The following CCDC25 variants were observed in gnomAD, a reference collection of about 807,000 sequenced individuals.
CCDC25 encodes the protein coiled-coil domain-containing protein 25.
CCDC25 carries 16 observed loss-of-function variants against 35.3 expected under a neutral mutation model. The ratio of observed to expected loss-of-function variants is 0.45; its 90% CI spans 0.31 to 0.69. The LOEUF is 0.69. CCDC25 is among the 30% of genes least tolerant of loss of function. The pLI, the probability that CCDC25 is intolerant of heterozygous loss-of-function variation, is 0.06. For synonymous variants in CCDC25, 79 were observed against 80.3 expected (o/e 0.98, Z 0.09); for missense variants, 179 against 250.7 (o/e 0.71, Z 1.93).
At chr8:27,760,599 T>C (rs1585368873) in intron 3 of CCDC25, among the ~76,000 whole-genome samples, 1 of 152,200 alleles carries the variant, frequency 6.6e-6, no homozygotes, top group Non-Finnish European at 1.5e-5. Context: ...CCAGGACCTA[T>C]GCTAGGTACT....
chr8:27,768,730 C>T (rs1013952913), intron 1 of CCDC25, among the ~76,000 whole-genome samples: 3 of 152,124 alleles, frequency 2.0e-5, no homozygotes, highest in Non-Finnish European at 4.4e-5. Flanking sequence ...AGTACTGGAA[C>T]CGGTTATTTG....
At chr8:27,740,451 A>G in intron 8 of CCDC25, 21 bp downstream of exon 8, 1 of 1,606,406 alleles carries the variant, frequency 6.2e-7, no homozygotes, top group African/African-American at 1.3e-5. Flanking sequence ...GCAAACATTC[A>G]TGCAAACCAC....
chr8:27,771,156 C>T (rs1255697202), intron 1 of CCDC25, among the ~76,000 whole-genome samples: 1 of 152,110 alleles, frequency 6.6e-6, no homozygotes, highest in Non-Finnish European at 1.5e-5. Context: ...CGTTGAGACC[C>T]GTTTAAATAC....
intron 1 of CCDC25, among the ~76,000 whole-genome samples, chr8:27,769,362 G>GTGTA (rs1804508765): frequency 6.6e-6 from 1 of 152,186 alleles, no homozygotes; most frequent in Non-Finnish European, 1.5e-5. Flanking sequence ...AAGGGCAGAT[G>GTGTA]TGTATGTGTG....
intron 4 of CCDC25, among the ~76,000 whole-genome samples, chr8:27,753,873 C>G (rs1803902945): frequency 6.6e-6 from 1 of 152,170 alleles, no homozygotes; most frequent in Admixed American, 6.5e-5. Flanking sequence ...TGAGATGGGG[C>G]ACACTGTTTA....
At chr8:27,771,107 G>A (rs145088298) in intron 1 of CCDC25, among the ~76,000 whole-genome samples, 3 of 152,252 alleles carry the variant, frequency 2.0e-5, no homozygotes, top group Non-Finnish European at 4.4e-5. Flanking sequence ...TGATGACCTG[G>A]TAGCCATCAT....
chr8:27,759,278 G>A (rs963863921), intron 3 of CCDC25, among the ~76,000 whole-genome samples: 3 of 152,184 alleles, frequency 2.0e-5, no homozygotes, highest in African/African-American at 7.2e-5. Flanking sequence ...TCTGGACACA[G>A]TAAATACACA....
intron 1 of CCDC25, 87 bp downstream of exon 1, chr8:27,772,426 C>A: frequency 7.3e-7 from 1 of 1,361,492 alleles, no homozygotes; most frequent in Non-Finnish European, 1.0e-6. Flanking sequence ...CATTTTAGAG[C>A]GAGGGTCAGG....
intron 5 of CCDC25, among the ~76,000 whole-genome samples, chr8:27,751,359 T>A (rs1197678199): frequency 6.6e-6 from 1 of 152,244 alleles, no homozygotes; most frequent in Non-Finnish European, 1.5e-5. Context: ...TACAATGGAA[T>A]GTCCCAAAAT....
intron 1 of CCDC25, among the ~76,000 whole-genome samples, chr8:27,772,235 G>C (rs1409739953): frequency 6.6e-6 from 1 of 152,266 alleles, no homozygotes. Context: ...CCCAGGGAGT[G>C]ACGGGACGTC....
At chr8:27,766,038 T>C (rs1242123712) in intron 1 of CCDC25, among the ~76,000 whole-genome samples, 1 of 152,258 alleles carries the variant, frequency 6.6e-6, no homozygotes, top group Non-Finnish European at 1.5e-5. Context: ...TGGTGTTTTA[T>C]TGCAGACGTC....
chr8:27,751,754 C>T (rs1347869963), intron 5 of CCDC25, among the ~76,000 whole-genome samples: 1 of 152,168 alleles, frequency 6.6e-6, no homozygotes, highest in African/African-American at 2.4e-5. Flanking sequence ...AAACCCCGCC[C>T]CTACCCTAAT....
At chr8:27,752,958 G>T in intron 4 of CCDC25, 2 of 168,276 alleles carry the variant, frequency 1.2e-5, no homozygotes, top group South Asian at 1.6e-4. Context: ...TTTGACAACT[G>T]GATGTCTTCG....
intron 5 of CCDC25, among the ~76,000 whole-genome samples, chr8:27,749,594 C>T (rs1803724099): frequency 6.6e-6 from 1 of 151,968 alleles, no homozygotes. Flanking sequence ...AAAGACAAAG[C>T]AGTATCTCTG....
At chr8:27,766,437 T>G (rs1804402214) in intron 1 of CCDC25, among the ~76,000 whole-genome samples, 1 of 152,158 alleles carries the variant, frequency 6.6e-6, no homozygotes, top group African/African-American at 2.4e-5. Flanking sequence ...AACTAATTCC[T>G]TTGTTTAACA....
intron 7 of CCDC25, among the ~76,000 whole-genome samples, chr8:27,742,933 A>C (rs6987111): frequency 0.87 from 132,940 of 152,210 alleles, 58,205 homozygotes; most frequent in Non-Finnish European, 0.9. Context: ...CTCTGAGCTC[A>C]ATTTCCATTA....
At chr8:27,752,425 G>T in intron 5 of CCDC25, 87 bp downstream of exon 5, 2 of 1,048,372 alleles carry the variant, frequency 1.9e-6, no homozygotes, top group Non-Finnish European at 2.9e-6. Flanking sequence ...GGAGGCCAAA[G>T]TCAACAGCAT....
rs539637083 is a variant in CCDC25 at position 27,748,150 on chromosome 8, T to C, written c.478A>G (p.Lys160Glu). The C allele has an allele frequency of 2.5e-5, 40 of 1,613,786 alleles. No homozygotes were observed. In the South Asian group the frequency reaches 4.4e-4, roughly 18 times the overall value. The change falls in exon 7 of 9, where the codon AAA (lysine) becomes GAA (glutamate). Residue 160 changes from lysine to glutamate, a missense_variant. Transcript: ENST00000356537. Reference sequence around the variant, plus strand: ...TTTTTCATTTCCTGAATTTGGGCTTTTTTCTCATTCCTCTCTTCACGATCT... The same window carrying C: ...TTTTTCATTTCCTGAATTTGGGCTTCTTTCTCATTCCTCTCTTCACGATCT... Reference protein sequence around the residue: ...CRDREERNEKKAQIQEMKKRE... With the variant: ...CRDREERNEKEAQIQEMKKRE...
intron 7 of CCDC25, among the ~76,000 whole-genome samples, chr8:27,746,527 G>T (rs1207026670): frequency 6.6e-6 from 1 of 151,950 alleles, no homozygotes; most frequent in Admixed American, 6.6e-5. Context: ...ATCCGTAAAG[G>T]GCACTAAAAG....
Sources: allele counts gnomAD v4.1 joint callset (sites outside exome capture counted in the v4.1 genomes callset), GRCh38; gene constraint gnomAD v4.1.1; transcripts MANE v1.5; gene names NCBI Gene and HGNC (gene_info 2026-07-23, HGNC 2026-07-21).